The following NGLY1 variants were observed in gnomAD, a reference collection of about 807,000 sequenced individuals.
The protein encoded by NGLY1 is N-glycanase 1.
A neutral mutation model predicts 84.6 loss-of-function variants in NGLY1; 68 were observed. The ratio of observed to expected loss-of-function variants is 0.80; its 90% CI spans 0.66 to 0.98. The LOEUF (loss-of-function observed/expected upper bound fraction) is 0.98. Among genes scored for constraint, NGLY1 ranks in the 50% least tolerant of loss-of-function variants. The probability of loss-of-function intolerance (pLI) is 0.00; values close to 1 mark genes in which losing one functional copy is unlikely to be tolerated. For synonymous variants in NGLY1, 280 were observed against 275.2 expected (o/e 1.02, Z -0.17); for missense variants, 779 against 770.2 (o/e 1.01, Z -0.14).
intron 3 of NGLY1, chr3:25,755,728 A>G (rs1186466457): frequency 1.7e-6 from 2 of 1,145,256 alleles, no homozygotes. Flanking sequence ...GCTGGTTTTG[A>G]GCCCAATATA....
intron 4 of NGLY1, among the ~76,000 whole-genome samples, chr3:25,742,970 G>A (rs1411040101): frequency 2.1e-5 from 3 of 145,496 alleles, no homozygotes; most frequent in African/African-American, 7.5e-5. Flanking sequence ...CCTGGAATAT[G>A]TGGATAAATT....
intron 9 of NGLY1, chr3:25,730,606 A>G (rs1019231864): frequency 2.0e-5 from 3 of 152,172 alleles, no homozygotes; most frequent in Non-Finnish European, 4.4e-5. Context: ...CTTGTAACAC[A>G]CTGCATTGGC....
chr3:25,788,131 A>C (rs375465462), upstream of NGLY1, among the ~76,000 whole-genome samples: 3 of 152,234 alleles, frequency 2.0e-5, no homozygotes, highest in African/African-American at 7.2e-5. Flanking sequence ...AGCAAGAGCC[A>C]TACCTCTACT....
At chr3:25,770,627 T>G (rs1707844508) in intron 2 of NGLY1, among the ~76,000 whole-genome samples, 1 of 152,210 alleles carries the variant, frequency 6.6e-6, no homozygotes, top group Admixed American at 6.5e-5. Flanking sequence ...TACTTTTAGT[T>G]CTTTAAGGAC....
chr3:25,719,408 C>T lies in NGLY1; in HGVS notation c.*52G>A. On this transcript the variant is annotated 3_prime_UTR_variant, in exon 12 of 12. Coordinates refer to ENST00000280700, the MANE Select transcript of NGLY1 (RefSeq NM_018297.4). ...ACTAAGCATGCACTGAACCAACAGACTACTTCAGTAAGTCCTTGATTATTG... is the reference window on the plus strand; with the variant it reads ...ACTAAGCATGCACTGAACCAACAGATTACTTCAGTAAGTCCTTGATTATTG... 1 of 1,525,092 alleles carries T rather than the reference C, an allele frequency of 6.6e-7. No homozygotes were observed. The highest frequency in any genetic ancestry group is 9.0e-7 in the Non-Finnish European group (1 of 1,106,344). The allele number at this position is 1,525,092 out of a possible 1,614,324, so 94.5% of individuals were successfully genotyped here. A position where few individuals can be genotyped will look rare whatever the true frequency, so the allele number is the denominator to read the frequency against.
intron 10 of NGLY1, among the ~76,000 whole-genome samples, chr3:25,726,442 G>C (rs1387041167): frequency 6.6e-6 from 1 of 152,166 alleles, no homozygotes; most frequent in Non-Finnish European, 1.5e-5. Context: ...AGAGGTATAT[G>C]GTACAATGAA....
intron 5 of NGLY1, among the ~76,000 whole-genome samples, chr3:25,738,178 T>C (rs762569877): frequency 6.6e-6 from 1 of 152,226 alleles, no homozygotes; most frequent in Non-Finnish European, 1.5e-5. Context: ...GCTAGCTCAC[T>C]GTATTTAAAA....
At chr3:25,781,001 T>C (rs1708389819) in intron 1 of NGLY1, among the ~76,000 whole-genome samples, 1 of 151,984 alleles carries the variant, frequency 6.6e-6, no homozygotes, top group African/African-American at 2.4e-5. Context: ...TTGAGAAAGG[T>C]CTCACTTCGC....
chr3:25,756,659 A>G (rs1415963914), intron 3 of NGLY1, among the ~76,000 whole-genome samples: 1 of 152,224 alleles, frequency 6.6e-6, no homozygotes, highest in African/African-American at 2.4e-5. Context: ...CTTTTACCAC[A>G]TACACGTATG....
At position 25,767,660 on chromosome 3, in the gene NGLY1, A is replaced by G. The variant is rs181493355; in HGVS notation, c.247-3349T>C. Among the ~76,000 whole-genome samples, 7 of 152,304 alleles carry G rather than the reference A, an allele frequency of 4.6e-5. No homozygotes were observed. The East Asian group carries it at 1.4e-3, about 29-fold the overall frequency. ...AGCCTCAGAGACAAGTGGGCCTAAA[A>G]GTATCCAGAATTTTAATATACAGTT... On this transcript the variant is annotated intron_variant, in intron 2 of 11. Transcript: ENST00000280700.
At chr3:25,737,782 G>C (rs1705913222) in intron 5 of NGLY1, among the ~76,000 whole-genome samples, 1 of 152,166 alleles carries the variant, frequency 6.6e-6, no homozygotes, top group Non-Finnish European at 1.5e-5. Context: ...CTGACCTCGT[G>C]ATTCGCCCGC....
intron 11 of NGLY1, 108 bp from the exon 12 acceptor site, chr3:25,719,743 C>A: frequency 1.2e-6 from 1 of 844,518 alleles, no homozygotes; most frequent in South Asian, 2.3e-5. Flanking sequence ...AAAATAAACC[C>A]TTAAAAATAA....
chr3:25,768,632 TG>T (rs369827211), intron 2 of NGLY1, among the ~76,000 whole-genome samples: 3 of 148,290 alleles, frequency 2.0e-5, no homozygotes, highest in African/African-American at 7.4e-5. Context: ...GGTGCGATCT[TG>T]GCTCACTGCA....
intron 2 of NGLY1, among the ~76,000 whole-genome samples, chr3:25,770,324 T>C (rs1707831319): frequency 6.6e-6 from 1 of 152,136 alleles, no homozygotes; most frequent in Non-Finnish European, 1.5e-5. Context: ...AATTTTTGTA[T>C]TTTTAGTAGA....
At position 25,773,430 on chromosome 3, in the gene NGLY1, T is replaced by C. The variant is rs181283005; in HGVS notation, c.246+5144A>G. ...CAATTCCATTGTTGAAACTTTCCGA[T>C]GCATTCTGCATTTCCCTAGGTGTGT... On this transcript the variant is annotated intron_variant, in intron 2 of 11. Coordinates refer to ENST00000280700, the MANE Select transcript of NGLY1 (RefSeq NM_018297.4). Among the ~76,000 whole-genome samples the C allele has an allele frequency of 2.1e-3, 320 of 152,326 alleles. 2 individuals are homozygous for C. The highest frequency in any genetic ancestry group is 7.2e-3 in the African/African-American group (298 of 41,592).
chr3:25,759,568 A>G (rs1707203386), intron 3 of NGLY1, among the ~76,000 whole-genome samples: 1 of 152,148 alleles, frequency 6.6e-6, no homozygotes, highest in African/African-American at 2.4e-5. Context: ...TTATTTCTTT[A>G]CATATTCATT....
chr3:25,755,094 A>T, intron 3 of NGLY1: 1 of 1,446,498 alleles, frequency 6.9e-7, no homozygotes, highest in Non-Finnish European at 9.7e-7. Flanking sequence ...GCAAAAATTT[A>T]TTCGAGCCAT....
chr3:25,743,228 C>A (rs1476103394), intron 4 of NGLY1, among the ~76,000 whole-genome samples: 1 of 152,158 alleles, frequency 6.6e-6, no homozygotes. Context: ...TGGATTTCTG[C>A]CTTCTGGAAC....
At chr3:25,771,654 T>C (rs1707896653) in intron 2 of NGLY1, among the ~76,000 whole-genome samples, 1 of 152,192 alleles carries the variant, frequency 6.6e-6, no homozygotes, top group South Asian at 2.1e-4. Flanking sequence ...GATTCTACCC[T>C]TCCATGAGTA....
Sources: gnomAD v4.1 joint callset for allele counts (sites outside exome capture counted in the v4.1 genomes callset) on GRCh38, gnomAD v4.1.1 for gene constraint, MANE v1.5 for transcripts, NCBI Gene and HGNC (gene_info 2026-07-23, HGNC 2026-07-21) for gene names.